AMY2B: variants seen among roughly 807,000 people sequenced by gnomAD.
AMY2B encodes amylase alpha 2B.
In AMY2B, 63 loss-of-function variants were observed where a neutral mutation model predicts 59.3. The ratio of observed to expected loss-of-function variants is 1.06; its 90% confidence interval spans 0.87 to 1.31. AMY2B has a LOEUF of 1.31. AMY2B is among the 50% of genes most tolerant of loss of function. AMY2B has a pLI of 0.00. For synonymous variants in AMY2B, 180 were observed against 198.1 expected (o/e 0.91, Z 0.77); for missense variants, 635 against 626.7 (o/e 1.01, Z -0.14).
At chr1:103,557,751 TAAGAAG>T (rs1651607264) in intron 1 of AMY2B, among the ~76,000 whole-genome samples, 1 of 152,112 alleles carries the variant, frequency 6.6e-6, no homozygotes, top group Non-Finnish European at 1.5e-5. Flanking sequence ...ATCCAAAATT[TAAGAAG>T]ATGTGAGCAG....
At chr1:103,563,710 A>G (rs1390412301) in intron 1 of AMY2B, among the ~76,000 whole-genome samples, 1 of 152,106 alleles carries the variant, frequency 6.6e-6, no homozygotes, top group African/African-American at 2.4e-5. Context: ...TTTTTTTACC[A>G]ACATTCCAAA....
intron 1 of AMY2B, among the ~76,000 whole-genome samples, chr1:103,556,288 T>C (rs138360097): frequency 5.3e-5 from 8 of 152,348 alleles, no homozygotes; most frequent in African/African-American, 1.9e-4. Flanking sequence ...CAGAATTCAA[T>C]TTAACTAAAG....
chr1:103,579,319 C>T lies in AMY2B; in HGVS notation c.1355C>T (p.Ser452Phe). The T allele has an allele frequency of 6.2e-7, 1 of 1,611,600 alleles. No individual in the cohort carries two copies. The highest frequency in any genetic ancestry group is 8.5e-7 in the Non-Finnish European group (1 of 1,179,636). ...IVFNNDDWTFSLTLQTGLPAG... is the reference protein window; with the variant it reads ...IVFNNDDWTFFLTLQTGLPAG... Reference sequence around the variant, plus strand: ...GAAATTTTATTTTACAGGACATTTTCTTTAACTTTGCAAACTGGTCTTCCT... The same window carrying T: ...GAAATTTTATTTTACAGGACATTTTTTTTAACTTTGCAAACTGGTCTTCCT... The change falls in exon 10 of 10, where the codon TCT becomes TTT. Residue 452 changes from serine (S) to phenylalanine (F), a missense_variant. Transcript: ENST00000684275.
chr1:103,558,745 A>T (rs990461950), intron 1 of AMY2B, among the ~76,000 whole-genome samples: 2 of 150,074 alleles, frequency 1.3e-5, no homozygotes, highest in African/African-American at 4.9e-5. Context: ...CCTGGGTGAC[A>T]TAGGGAGACC....
At chr1:103,569,200 A>G (rs377488704), upstream of AMY2B, 1 of 152,068 alleles carries the variant, frequency 6.6e-6, no homozygotes, top group Non-Finnish European at 1.5e-5. Flanking sequence ...TACATTCAAG[A>G]TGAGATTTGG....
In AMY2B at chr1:103,574,332, T is replaced by A. The variant is rs776977215; in HGVS notation, c.817T>A (p.Tyr273Asn). Residue 273 changes from tyrosine to asparagine, a missense_variant, in exon 5 of 10, where the codon TAT becomes AAT. Tyr to Asn is a moderately radical substitution (Grantham distance 143, BLOSUM62 -2). Coordinates refer to ENST00000684275, the MANE Select transcript of AMY2B (RefSeq NM_001387437.1). ...AAATGGCCGGGTGACAGAATTCAAG[T>A]ATGGTGCAAAACTCGGCACAGTTAT... ...FGNGRVTEFK[Y>N]GAKLGTVIRK... 1.2e-6 allele frequency: 2 copies of A among 1,611,788 alleles called. No homozygotes were observed. The highest frequency in any genetic ancestry group is 1.7e-6 in the Non-Finnish European group (2 of 1,179,732).
At chr1:103,555,076 A>C (rs1421378908) in exon 1 of AMY2B, 1 of 151,946 alleles carries the variant, frequency 6.6e-6, no homozygotes, top group Non-Finnish European at 1.5e-5. Flanking sequence ...TCTAACTTTG[A>C]GAGGAAGAAA....
intron 1 of AMY2B, among the ~76,000 whole-genome samples, chr1:103,561,367 A>G (rs1305226382): frequency 1.3e-5 from 2 of 152,090 alleles, no homozygotes; most frequent in African/African-American, 4.8e-5. Context: ...TCCTGGGTTC[A>G]AGCAATTCTC....
At chr1:103,571,445 T>C (rs1230568755), upstream of AMY2B, 1 of 1,441,836 alleles carries the variant, frequency 6.9e-7, no homozygotes, top group Admixed American at 2.3e-5. Flanking sequence ...TTTTTAATGT[T>C]CTTCTCCTGT....
chr1:103,558,946 T>G (rs1397926220), intron 1 of AMY2B, among the ~76,000 whole-genome samples: 1 of 152,180 alleles, frequency 6.6e-6, no homozygotes, highest in Non-Finnish European at 1.5e-5. Flanking sequence ...CAACATAATA[T>G]AACAAGTTTT....
chr1:103,562,827 T>C (rs1651778035), intron 1 of AMY2B, among the ~76,000 whole-genome samples: 2 of 152,024 alleles, frequency 1.3e-5, no homozygotes, highest in African/African-American at 4.8e-5. Context: ...AGACAAGTTA[T>C]TTGGAAGTTG....
At chr1:103,561,443 G>A (rs781445838) in intron 1 of AMY2B, among the ~76,000 whole-genome samples, 2 of 151,682 alleles carry the variant, frequency 1.3e-5, no homozygotes, top group Non-Finnish European at 2.9e-5. Flanking sequence ...AATTTTTGTA[G>A]TTTTAGTAGA....
At chr1:103,561,176 T>C (rs541239998) in intron 1 of AMY2B, among the ~76,000 whole-genome samples, 4 of 152,312 alleles carry the variant, frequency 2.6e-5, no homozygotes, top group African/African-American at 9.6e-5. Flanking sequence ...ATGAAATCCA[T>C]AGACTTTAAT....
intron 5 of AMY2B, among the ~76,000 whole-genome samples, chr1:103,574,656 T>A (rs1451996827): frequency 1.3e-5 from 2 of 152,180 alleles, no homozygotes; most frequent in Non-Finnish European, 2.9e-5. Flanking sequence ...ATTTGACTGA[T>A]GTTTGCATAT....
chr1:103,573,066 C>T lies in AMY2B; in HGVS notation c.319C>T (p.Arg107Cys), dbSNP rs750106406. ...AAGTAGAAACTTTGCTTTCTAGGTT[C>T]GTATTTATGTGGATGCTGTAATTAA... Reference protein sequence around the residue: ...MVTRCNNVGVRIYVDAVINHM... With the variant: ...MVTRCNNVGVCIYVDAVINHM... Residue 107 changes from arginine (R) to cysteine (C), a missense_variant, in exon 3 of 10, where the codon CGT becomes TGT. Coordinates refer to ENST00000684275, the MANE Select transcript of AMY2B (RefSeq NM_001387437.1). 14 of 1,613,324 alleles carry T rather than the reference C, an allele frequency of 8.7e-6. No individual in the cohort carries two copies. The East Asian group carries it at 8.9e-5, about 10-fold the overall frequency.
upstream of AMY2B, chr1:103,571,416 G>A (rs1652125568): frequency 7.6e-7 from 1 of 1,317,598 alleles, no homozygotes; most frequent in Non-Finnish European, 1.0e-6. Context: ...AGGTCATTTA[G>A]ATGATTTCCA....
Position 103,562,671 on chromosome 1 carries a change from T to G in AMY2B, c.-206-2764T>G, listed in dbSNP as rs541300024. ...ACGAATGACATTAATAGATAACTTG[T>G]CTTTTTTTTTTTTTTTTTTGTCAAT... On this transcript the variant is annotated intron_variant, in intron 1 of 11. Transcript: ENST00000361355. Among the ~76,000 whole-genome samples, 5 of 139,260 alleles carry G rather than the reference T, an allele frequency of 3.6e-5. No homozygotes were observed. In the South Asian group the frequency reaches 1.2e-3, roughly 35 times the overall value. 91.4% of individuals were successfully genotyped at this position (139,260 alleles called of 152,430 possible).
At chr1:103,564,125 A>G (rs1157266020) in intron 1 of AMY2B, among the ~76,000 whole-genome samples, 2 of 152,196 alleles carry the variant, frequency 1.3e-5, no homozygotes, top group African/African-American at 4.8e-5. Flanking sequence ...ATACATTGGG[A>G]TAACAGCTTT....
upstream of AMY2B, chr1:103,571,422 T>C (rs1057355466): frequency 6.6e-6 from 9 of 1,355,482 alleles, no homozygotes; most frequent in Non-Finnish European, 9.0e-6. Context: ...TTTAGATGAT[T>C]TCCATGAGAG....
Sources: allele counts gnomAD v4.1 joint callset (sites outside exome capture counted in the v4.1 genomes callset), GRCh38; gene constraint gnomAD v4.1.1; transcripts MANE v1.5; gene names NCBI Gene and HGNC (gene_info 2026-07-23, HGNC 2026-07-21).